Variants in GRIK5 observed in about 807,000 individuals in gnomAD.
GRIK5 encodes the protein glutamate receptor ionotropic, kainate 5.
In GRIK5, 43 loss-of-function variants were observed where a neutral mutation model predicts 97.4. That is an observed-to-expected ratio of 0.44 (90% CI 0.35 to 0.57). GRIK5 has a LOEUF of 0.57. GRIK5 is among the 20% of genes least tolerant of loss of function. The pLI is 0.01. For missense variants in GRIK5, 1,015 were observed against 1,382.0 expected (o/e 0.73, Z 4.21); for synonymous variants, 580 against 583.5 (o/e 0.99, Z 0.09).
At chr19:42,053,200 C>T (rs907145615) in intron 11 of GRIK5, among the ~76,000 whole-genome samples, 10 of 152,098 alleles carry the variant, frequency 6.6e-5, no homozygotes, top group Non-Finnish European at 1.0e-4. Flanking sequence ...CTGGCTGTGC[C>T]GGGTGCTTGC....
intron 12 of GRIK5, among the ~76,000 whole-genome samples, chr19:42,025,524 T>C (rs951977815): frequency 2.6e-4 from 40 of 151,656 alleles, no homozygotes; most frequent in Non-Finnish European, 4.4e-5. Context: ...AGCCTCCACC[T>C]CTCCCTGACA....
In GRIK5 at chr19:41,999,625, T is replaced by C. The variant is rs372209321; in HGVS notation, c.2515-326A>G. ...CCAGTTCTTCCTTCCTGATTTCCCA[T>C]CTTCTGCCCCTCATCCATGCGTTCA... On this transcript the variant is annotated intron_variant, in intron 19 of 19. Transcript: ENST00000593562. The surrounding 1 kb of genome is among the most constrained non-coding windows in gnomAD (Gnocchi z 5.0). 3.7e-4 allele frequency among the ~76,000 whole-genome samples: 57 copies of C among 152,338 alleles called. No individual in the cohort carries two copies. The South Asian group carries it at 0.011, about 30-fold the overall frequency.
intron 12 of GRIK5, among the ~76,000 whole-genome samples, chr19:42,023,354 G>C (rs1001178797): frequency 5.9e-5 from 9 of 152,230 alleles, no homozygotes; most frequent in African/African-American, 2.2e-4. Flanking sequence ...GGAATTCCTG[G>C]GTGTTGAGCA....
rs1027359503 is a variant in GRIK5 at position 42,065,459 on chromosome 19, C to A, written c.80-72G>T. On this transcript the variant is annotated intron_variant, in intron 2 of 19. Transcript: ENST00000593562. This position sits in a 1 kb window ranked among gnomAD's most constrained non-coding sequence, Gnocchi z 5.8. ...AGGAGGGGGCTGTGGTCTTAGACTC[C>A]AGGGCTCTAGGGTGAGGTGGGTATA... The A allele has an allele frequency of 6.8e-7, 1 of 1,468,770 alleles. No individual in the cohort carries two copies. Among genetic ancestry groups the A allele is most frequent in the Admixed American group, 2.0e-5 (1 of 49,912 alleles). 91.0% of individuals were successfully genotyped at this position (1,468,770 alleles called of 1,614,324 possible). A position where few individuals can be genotyped will look rare whatever the true frequency, so the allele number is the denominator to read the frequency against.
Position 42,021,565 on chromosome 19 carries a change from G to A in GRIK5, c.1698-91C>T. 9.3e-7 allele frequency: 1 copy of A among 1,072,088 alleles called. No homozygotes were observed. Among genetic ancestry groups the A allele is most frequent in the Non-Finnish European group, 1.3e-6 (1 of 762,110 alleles). The allele number at this position is 1,072,088 out of a possible 1,614,324, so 66.4% of individuals were successfully genotyped here. A position where few individuals can be genotyped will look rare whatever the true frequency, so the allele number is the denominator to read the frequency against. The stretch of plus-strand genomic sequence containing the variant: ...CAAAGGAAAGTCACAGTGATCAGAA[G>A]AAAGGGGGAGAGATGGAAAAAGGAG... On this transcript the variant is annotated intron_variant, in intron 14 of 19. Coordinates refer to ENST00000593562, the MANE Select transcript of GRIK5 (RefSeq NM_002088.5). This position sits in a 1 kb window ranked among gnomAD's most constrained non-coding sequence, Gnocchi z 4.2.
intron 11 of GRIK5, among the ~76,000 whole-genome samples, chr19:42,043,523 AC>A (rs1403435738): frequency 1.4e-5 from 2 of 147,080 alleles, no homozygotes; most frequent in African/African-American, 2.5e-5. Context: ...CTCCTGCCTC[AC>A]CCCCGCCAAG....
At chr19:42,028,452 G>A (rs1008053269) in intron 12 of GRIK5, among the ~76,000 whole-genome samples, 2 of 152,204 alleles carry the variant, frequency 1.3e-5, no homozygotes, top group Non-Finnish European at 2.9e-5. Context: ...GGAGGGAAGA[G>A]GGATTGCTCC....
intron 15 of GRIK5, among the ~76,000 whole-genome samples, 199 bp from the exon 16 acceptor site, chr19:42,007,009 C>T (rs2075500092): frequency 1.3e-5 from 2 of 152,188 alleles, no homozygotes; most frequent in Admixed American, 1.3e-4. Context: ...GAGACTTCTA[C>T]TTCCAGATAT....
intron 12 of GRIK5, among the ~76,000 whole-genome samples, chr19:42,023,040 A>C (rs2075721761): frequency 6.6e-6 from 1 of 152,064 alleles, no homozygotes; most frequent in South Asian, 2.1e-4. Context: ...GAGATGGCAC[A>C]GGCACAAATG....
intron 15 of GRIK5, among the ~76,000 whole-genome samples, chr19:42,013,202 G>A (rs910735269): frequency 3.3e-5 from 5 of 149,342 alleles, no homozygotes; most frequent in African/African-American, 1.2e-4. Flanking sequence ...AAAAAAAAAT[G>A]AAAATAATAA....
At chr19:42,067,000 A>G (rs2076343107) in intron 1 of GRIK5, among the ~76,000 whole-genome samples, 1 of 152,178 alleles carries the variant, frequency 6.6e-6, no homozygotes, top group South Asian at 2.1e-4. Context: ...CTCCACCCCT[A>G]AGGAGTCAGG....
In GRIK5 at chr19:42,062,860, G is replaced by A. The variant is rs776076217; in HGVS notation, c.245-5C>T. On this transcript the variant is annotated splice_region_variant and splice_polypyrimidine_tract_variant and intron_variant, in intron 3 of 19. Transcript: ENST00000593562. This position sits in a 1 kb window ranked among gnomAD's most constrained non-coding sequence, Gnocchi z 5.3. ...CTTTGGGTAAGATCTGACACACTGC[G>A]TGGGAAGGGGAAGAGACCGCAGAGT... The A allele has an allele frequency of 6.2e-5, 99 of 1,607,798 alleles. 1 individual carries two copies. Among genetic ancestry groups the A allele is most frequent in the South Asian group, 2.2e-4 (20 of 90,964 alleles).
rs529014797 is a variant in GRIK5, at chr19:42,021,637, G to C, written c.1698-163C>G. 6.6e-6 allele frequency among the ~76,000 whole-genome samples: 1 copy of C among 152,162 alleles called. No homozygotes were observed. Among genetic ancestry groups the C allele is most frequent in the Non-Finnish European group, 1.5e-5 (1 of 68,022 alleles). Reference sequence around the variant, plus strand: ...GAGAAAAGGCAGAGAGAGATGCACAGAGATGGAGACAGAAGAGGCAGAGAG... The same window carrying C: ...GAGAAAAGGCAGAGAGAGATGCACACAGATGGAGACAGAAGAGGCAGAGAG... On this transcript the variant is annotated intron_variant, in intron 14 of 19. Transcript: ENST00000593562. This position sits in a 1 kb window ranked among gnomAD's most constrained non-coding sequence, Gnocchi z 4.2.
intron 5 of GRIK5, among the ~76,000 whole-genome samples, chr19:42,061,757 G>A (rs191713303): frequency 3.9e-5 from 6 of 152,040 alleles, no homozygotes; most frequent in African/African-American, 1.4e-4. Flanking sequence ...GACCAGTGTC[G>A]CCTCTCCCCT....
At chr19:42,000,067 G>C (rs2075412075) in intron 19 of GRIK5, among the ~76,000 whole-genome samples, 1 of 152,240 alleles carries the variant, frequency 6.6e-6, no homozygotes, top group East Asian at 1.9e-4. Flanking sequence ...CATGGCTGGA[G>C]GGGGGCGTGC....
intron 5 of GRIK5, among the ~76,000 whole-genome samples, chr19:42,060,669 C>T (rs1322833799): frequency 6.6e-6 from 1 of 151,784 alleles, no homozygotes; most frequent in African/African-American, 2.4e-5. Context: ...CCTTGCTGTT[C>T]TGCACACACC....
chr19:42,028,201 C>T (rs1347396669), intron 12 of GRIK5, among the ~76,000 whole-genome samples: 1 of 152,158 alleles, frequency 6.6e-6, no homozygotes, highest in Non-Finnish European at 1.5e-5. Flanking sequence ...CCTGACGGGC[C>T]CCCTCACAGT....
intron 5 of GRIK5, among the ~76,000 whole-genome samples, chr19:42,060,353 T>G (rs574040374): frequency 6.6e-6 from 1 of 151,940 alleles, no homozygotes; most frequent in Admixed American, 6.6e-5. Context: ...AGGAGATGAG[T>G]TGGGCAACAA....
chr19:42,068,543 T>A (rs1416788598), intron 1 of GRIK5: 5 of 395,774 alleles, frequency 1.3e-5, no homozygotes, highest in African/African-American at 1.0e-4. Flanking sequence ...GGTGGAAAAG[T>A]GACAGAGGGA....
Sources: allele counts gnomAD v4.1 joint callset (sites outside exome capture counted in the v4.1 genomes callset), GRCh38; gene constraint gnomAD v4.1.1; non-coding constraint Gnocchi (gnomAD v3.1); transcripts MANE v1.5; gene names NCBI Gene and HGNC (gene_info 2026-07-23, HGNC 2026-07-21).